TYW1: variants seen among roughly 807,000 people sequenced by gnomAD.
The protein encoded by TYW1 is tRNA-yW synthesizing protein 1 homolog.
TYW1 carries 46 observed loss-of-function variants against 96.2 expected under a neutral mutation model. The ratio of observed to expected loss-of-function variants is 0.48; its 90% CI spans 0.38 to 0.61. The LOEUF (loss-of-function observed/expected upper bound fraction) is 0.61. Among genes scored for constraint, TYW1 ranks in the 20% least tolerant of loss-of-function variants. TYW1 has a pLI of 0.00. For synonymous variants in TYW1, 274 were observed against 323.0 expected (o/e 0.85, Z 1.63); for missense variants, 684 against 909.6 (o/e 0.75, Z 3.19).
intron 13 of TYW1, among the ~76,000 whole-genome samples, chr7:67,118,039 G>A (rs1797649317): frequency 6.6e-6 from 1 of 152,154 alleles, no homozygotes; most frequent in Non-Finnish European, 1.5e-5. Context: ...AAATCGCATA[G>A]GCCAAGCATG....
chr7:67,223,746 T>C (rs1801470489), intron 15 of TYW1, among the ~76,000 whole-genome samples: 1 of 150,642 alleles, frequency 6.6e-6, no homozygotes, highest in South Asian at 2.1e-4. Flanking sequence ...TCCCATAACA[T>C]GTACACAGCT....
At chr7:67,203,732 T>G (rs1800675087) in intron 15 of TYW1, among the ~76,000 whole-genome samples, 1 of 152,230 alleles carries the variant, frequency 6.6e-6, no homozygotes, top group Non-Finnish European at 1.5e-5. Context: ...TGTTGTTCGT[T>G]CTTTCTTCCA....
chr7:67,009,883 C>T (rs982854497), intron 4 of TYW1, 199 bp downstream of exon 4: 13 of 553,976 alleles, frequency 2.3e-5, no homozygotes, highest in South Asian at 5.7e-5. Flanking sequence ...TGGTGTGGGG[C>T]TTGTTCTTCA....
At chr7:67,076,337 T>C (rs557511076) in intron 10 of TYW1, among the ~76,000 whole-genome samples, 1 of 152,176 alleles carries the variant, frequency 6.6e-6, no homozygotes, top group Non-Finnish European at 1.5e-5. Context: ...AAAAATGGCC[T>C]TGCTGAGAAA....
intron 13 of TYW1, among the ~76,000 whole-genome samples, chr7:67,181,545 GTTGGAAGTT>G (rs1419061453): frequency 1.3e-5 from 2 of 151,962 alleles, no homozygotes; most frequent in Non-Finnish European, 2.9e-5. Context: ...TTTTATTAAT[GTTGGAAGTT>G]TTCAAACATA....
At chr7:67,095,660 AAACAACAACAACAAC>A (rs56747081) in intron 11 of TYW1, among the ~76,000 whole-genome samples, 17 of 136,668 alleles carry the variant, frequency 1.2e-4, no homozygotes, top group African/African-American at 3.7e-4. Context: ...TCTGTCTCAA[AAACAACAACAACAAC>A]AACAACAACA....
At chr7:67,029,414 T>TATATAC in intron 7 of TYW1, among the ~76,000 whole-genome samples, 1 of 138,370 alleles carries the variant, frequency 7.2e-6, no homozygotes, top group Non-Finnish European at 1.6e-5. Flanking sequence ...TGTGTGTGTG[T>TATATAC]GTATATATAT....
In TYW1 at chr7:67,140,237, A is replaced by G. The variant is rs1297165947; in HGVS notation, c.1698+22619A>G. On this transcript the variant is annotated intron_variant, in intron 13 of 15. Coordinates refer to ENST00000359626, the MANE Select transcript of TYW1 (RefSeq NM_018264.4). ...ACAACATGTGGGAATTCAAGATGAGATTTGGGTGGGGACCCAGCCAAACCA... is the reference window on the plus strand; with the variant it reads ...ACAACATGTGGGAATTCAAGATGAGGTTTGGGTGGGGACCCAGCCAAACCA... 2.6e-5 allele frequency among the ~76,000 whole-genome samples: 4 copies of G among 152,344 alleles called. No individual in the cohort carries two copies. In the East Asian group the frequency reaches 7.7e-4, roughly 29 times the overall value.
intron 13 of TYW1, among the ~76,000 whole-genome samples, chr7:67,162,313 CAAA>C (rs60661089): frequency 3.9e-5 from 4 of 102,166 alleles, no homozygotes; most frequent in Non-Finnish European, 4.0e-5. Context: ...GACTCTGTCT[CAAA>C]AAAAAAAAAA....
At chr7:67,081,585 G>A (rs139634623) in intron 10 of TYW1, among the ~76,000 whole-genome samples, 6,056 of 151,656 alleles carry the variant, frequency 0.04, 179 homozygotes, top group Middle Eastern at 0.1. Flanking sequence ...ATTCCTAAAT[G>A]CAAACATTTG....
chr7:67,045,668 G>C (rs1268078386), intron 7 of TYW1, among the ~76,000 whole-genome samples: 1 of 152,250 alleles, frequency 6.6e-6, no homozygotes, highest in Admixed American at 6.5e-5. Flanking sequence ...TAGGAAGTTA[G>C]CTCATAATTG....
At chr7:67,215,420 A>G (rs1168528613) in intron 15 of TYW1, among the ~76,000 whole-genome samples, 3 of 151,888 alleles carry the variant, frequency 2.0e-5, no homozygotes, top group Non-Finnish European at 4.4e-5. Flanking sequence ...TAAACTTACT[A>G]AAGCCATTAC....
At chr7:67,040,625 G>A (rs1220084156) in intron 7 of TYW1, among the ~76,000 whole-genome samples, 2 of 151,938 alleles carry the variant, frequency 1.3e-5, no homozygotes, top group African/African-American at 4.8e-5. Flanking sequence ...CAAGTGGATC[G>A]CTTGAGCTCA....
intron 4 of TYW1, among the ~76,000 whole-genome samples, chr7:67,013,905 G>A (rs192851457): frequency 4.0e-4 from 61 of 151,726 alleles, no homozygotes; most frequent in Admixed American, 1.6e-3. Flanking sequence ...CACCACGCCC[G>A]GCTAATTTTT....
intron 13 of TYW1, among the ~76,000 whole-genome samples, chr7:67,131,009 A>G (rs1234430256): frequency 6.6e-6 from 1 of 152,126 alleles, no homozygotes; most frequent in Admixed American, 6.5e-5. Context: ...GGTGACTGAC[A>G]CATGATTGCC....
chr7:67,013,115 CTTTT>C (rs1793871404), intron 4 of TYW1, among the ~76,000 whole-genome samples: 1 of 147,306 alleles, frequency 6.8e-6, no homozygotes, highest in South Asian at 2.1e-4. Flanking sequence ...TTTTTCTTTT[CTTTT>C]CTTTTTTTTT....
intron 15 of TYW1, among the ~76,000 whole-genome samples, chr7:67,196,232 T>C (rs1011786196): frequency 2.6e-5 from 4 of 152,232 alleles, no homozygotes; most frequent in Middle Eastern, 3.4e-3. Flanking sequence ...TTTTTAATTG[T>C]ATAATTTCTG....
At chr7:67,053,477 T>G (rs1795425480) in intron 8 of TYW1, among the ~76,000 whole-genome samples, 1 of 151,804 alleles carries the variant, frequency 6.6e-6, no homozygotes, top group South Asian at 2.1e-4. Context: ...CCTCCTGAGT[T>G]CAAGCGATTC....
intron 13 of TYW1, among the ~76,000 whole-genome samples, chr7:67,131,542 T>C (rs34450608): frequency 0.28 from 41,994 of 152,040 alleles, 6,644 homozygotes; most frequent in African/African-American, 0.44. Flanking sequence ...CGTTCCATAT[T>C]GTCTTCAGTA....
Sources: allele counts gnomAD v4.1 joint callset (sites outside exome capture counted in the v4.1 genomes callset), GRCh38; gene constraint gnomAD v4.1.1; transcripts MANE v1.5; gene names NCBI Gene and HGNC (gene_info 2026-07-23, HGNC 2026-07-21).